The following ADK variants were observed in gnomAD, a reference collection of about 807,000 sequenced individuals.
The protein encoded by ADK is N6,N6-dimethyladenosine kinase.
In ADK, 24 loss-of-function variants were observed where a neutral mutation model predicts 44.7. The observed-to-expected ratio is 0.54, with a 90% CI of 0.39 to 0.76. The LOEUF (loss-of-function observed/expected upper bound fraction) is 0.76. ADK is among the 30% of genes least tolerant of loss of function. The pLI, the probability that ADK is intolerant of heterozygous loss-of-function variation, is 0.00. For synonymous variants in ADK, 128 were observed against 142.6 expected, an observed-to-expected ratio of 0.90 and a Z score of 0.73; for missense variants, 321 against 425.1, an observed-to-expected ratio of 0.76 and a Z score of 2.15.
At chr10:74,230,571 G>A (rs1246400730) in intron 3 of ADK, among the ~76,000 whole-genome samples, 1 of 151,584 alleles carries the variant, frequency 6.6e-6, no homozygotes, top group African/African-American at 2.4e-5. Context: ...TTAGAGATGA[G>A]GTCTCCTTAT....
intron 3 of ADK, among the ~76,000 whole-genome samples, chr10:74,285,756 C>T (rs1341441120): frequency 2.0e-5 from 3 of 152,034 alleles, no homozygotes; most frequent in Non-Finnish European, 2.9e-5. Context: ...GGCCTTGAAA[C>T]GTGTCAGTGG....
chr10:74,291,077 A>G (rs900899891), intron 3 of ADK, among the ~76,000 whole-genome samples: 1 of 152,200 alleles, frequency 6.6e-6, no homozygotes, highest in African/African-American at 2.4e-5. Flanking sequence ...AATACGTACT[A>G]AAGAATATAG....
chr10:74,543,209 T>TA (rs764981876), intron 7 of ADK, among the ~76,000 whole-genome samples: 13,346 of 140,868 alleles, frequency 0.095, 1,314 homozygotes, highest in African/African-American at 0.25. Context: ...CTATTTCATT[T>TA]AAAAAAAAAA....
intron 3 of ADK, among the ~76,000 whole-genome samples, chr10:74,307,425 CT>C (rs972949446): frequency 2.0e-5 from 3 of 152,184 alleles, no homozygotes; most frequent in African/African-American, 7.2e-5. Flanking sequence ...CAGTTCTGGC[CT>C]GCCCCTGTGA....
intron 6 of ADK, among the ~76,000 whole-genome samples, chr10:74,482,593 T>C (rs1481001155): frequency 2.6e-5 from 4 of 152,268 alleles, no homozygotes; most frequent in Admixed American, 6.5e-5. Context: ...GTCCACAATC[T>C]GAAGTCTAAT....
At chr10:74,298,362 G>A (rs1327442530) in intron 3 of ADK, among the ~76,000 whole-genome samples, 1 of 152,116 alleles carries the variant, frequency 6.6e-6, no homozygotes, top group Non-Finnish European at 1.5e-5. Context: ...TGGTAAGTTA[G>A]TAAATTTTCA....
At chr10:74,566,364 A>C (rs1235058819) in intron 7 of ADK, among the ~76,000 whole-genome samples, 1 of 151,274 alleles carries the variant, frequency 6.6e-6, no homozygotes, top group Non-Finnish European at 1.5e-5. Flanking sequence ...GCACCACCAC[A>C]CCCGGCTATG....
At chr10:74,538,048 G>A (rs1849512750) in intron 7 of ADK, among the ~76,000 whole-genome samples, 1 of 152,114 alleles carries the variant, frequency 6.6e-6, no homozygotes, top group Non-Finnish European at 1.5e-5. Flanking sequence ...CCTGAGGTCA[G>A]GAGTTCCAGA....
At chr10:74,231,475 GT>G (rs143602163) in intron 3 of ADK, among the ~76,000 whole-genome samples, 6 of 142,852 alleles carry the variant, frequency 4.2e-5, no homozygotes, top group African/African-American at 2.6e-5. Flanking sequence ...TTTTTTTTTT[GT>G]TTTTTTTTTG....
chr10:74,447,869 G>A (rs1845638783), intron 6 of ADK, among the ~76,000 whole-genome samples: 1 of 152,078 alleles, frequency 6.6e-6, no homozygotes, highest in Admixed American at 6.6e-5. Context: ...AAAAGAAAAA[G>A]TTGGAGCTTA....
At chr10:74,361,354 G>C (rs894253600) in intron 4 of ADK, among the ~76,000 whole-genome samples, 4 of 151,952 alleles carry the variant, frequency 2.6e-5, no homozygotes, top group Non-Finnish European at 5.9e-5. Flanking sequence ...GTGGTTAGGT[G>C]ATTTTCTCTT....
chr10:74,315,917 T>G (rs946001628), intron 4 of ADK, among the ~76,000 whole-genome samples: 1 of 152,142 alleles, frequency 6.6e-6, no homozygotes, highest in African/African-American at 2.4e-5. Context: ...TGGTGGTCAC[T>G]TTATGAACTT....
At chr10:74,696,490 C>T (rs936555337) in intron 10 of ADK, among the ~76,000 whole-genome samples, 3 of 151,672 alleles carry the variant, frequency 2.0e-5, no homozygotes, top group Middle Eastern at 3.4e-3. Context: ...CTCAGCCTCC[C>T]GAGTAGCTGG....
At chr10:74,338,405 T>C (rs1179533507) in intron 4 of ADK, among the ~76,000 whole-genome samples, 2 of 152,206 alleles carry the variant, frequency 1.3e-5, no homozygotes, top group Non-Finnish European at 2.9e-5. Context: ...TCAGCAATCA[T>C]ATTCCTGAGT....
At position 74,179,901 on chromosome 10, in the gene ADK, C is replaced by T. The variant is rs189223936; in HGVS notation, c.66-20863C>T. On this transcript the variant is annotated intron_variant, in intron 1 of 10. Coordinates refer to ENST00000539909, the MANE Select transcript of ADK (RefSeq NM_006721.4). ...CTAAGAACCCTCTTGGGGTCTAGAT[C>T]GGGACCCCTTTCTGTTAACATTCCC... Among the ~76,000 whole-genome samples the T allele has an allele frequency of 2.4e-4, 37 of 152,212 alleles. No homozygotes were observed. In the East Asian group the frequency reaches 4.2e-3, roughly 17 times the overall value.
intron 2 of ADK, among the ~76,000 whole-genome samples, chr10:74,218,902 T>C (rs10824117): frequency 0.74 from 111,740 of 151,800 alleles, 41,840 homozygotes; most frequent in Middle Eastern, 0.85. Flanking sequence ...CGGTACCAGC[T>C]GCTGCAAAAT....
rs1379217745 is a variant in ADK, at chr10:74,201,672, GTATGTATCTATCTATC to G, written c.140+838_140+853del. On this transcript the variant is annotated intron_variant, in intron 2 of 10. Coordinates refer to ENST00000539909, the MANE Select transcript of ADK (RefSeq NM_006721.4). ...TGTATGTATGTATGTATGTATGTATGTATGTATCTATCTATCTATCTATCTATCTATCTATCTATCT... is the reference window on the plus strand; with the variant it reads ...TGTATGTATGTATGTATGTATGTATGTATCTATCTATCTATCTATCTATCT... Among the ~76,000 whole-genome samples the G allele has an allele frequency of 7.2e-3, 968 of 134,610 alleles. 5 individuals carry two copies. Among genetic ancestry groups the G allele is most frequent in the South Asian group, 0.011 (46 of 4,328 alleles). 88.3% of individuals were successfully genotyped at this position (134,610 alleles called of 152,430 possible).
At chr10:74,296,667 A>G (rs907919744) in intron 3 of ADK, among the ~76,000 whole-genome samples, 7 of 146,174 alleles carry the variant, frequency 4.8e-5, no homozygotes, top group African/African-American at 1.5e-4. Flanking sequence ...GCTGGAGTGC[A>G]GTGGCGCCAT....
At chr10:74,281,597 C>A (rs868712983) in intron 3 of ADK, among the ~76,000 whole-genome samples, 1 of 152,178 alleles carries the variant, frequency 6.6e-6, no homozygotes, top group African/African-American at 2.4e-5. Flanking sequence ...ATCCCTGGAG[C>A]TGCTGTAGCT....
Sources: gnomAD v4.1 joint callset for allele counts (sites outside exome capture counted in the v4.1 genomes callset) on GRCh38, gnomAD v4.1.1 for gene constraint, MANE v1.5 for transcripts, NCBI Gene and HGNC (gene_info 2026-07-23, HGNC 2026-07-21) for gene names.